Variants in MARK1 observed in about 807,000 individuals in gnomAD.
The protein encoded by MARK1 is microtubule affinity regulating kinase 1, also known as serine/threonine-protein kinase MARK1.
Under a neutral mutation model 96.3 loss-of-function variants are expected in MARK1, and 40 were observed. The observed-to-expected ratio is 0.42, with a 90% CI of 0.32 to 0.54. The LOEUF (loss-of-function observed/expected upper bound fraction) is 0.54. Among genes scored for constraint, MARK1 ranks in the 20% least tolerant of loss-of-function variants. The pLI is 0.16. For missense variants in MARK1, 719 were observed against 984.6 expected (o/e 0.73, Z 3.61); for synonymous variants, 317 against 341.2 (o/e 0.93, Z 0.78).
At chr1:220,582,212 T>G (rs771926876) in intron 3 of MARK1, among the ~76,000 whole-genome samples, 3 of 152,226 alleles carry the variant, frequency 2.0e-5, no homozygotes, top group Admixed American at 6.5e-5. Flanking sequence ...AGTATAACTT[T>G]TCATAACACT....
chr1:220,534,829 A>G (rs1473434817), intron 1 of MARK1, among the ~76,000 whole-genome samples: 2 of 152,152 alleles, frequency 1.3e-5, no homozygotes, highest in African/African-American at 2.4e-5. Context: ...CTTAAGGTTC[A>G]TCCATGTTAT....
At chr1:220,548,380 A>T (rs1661640874) in intron 1 of MARK1, among the ~76,000 whole-genome samples, 1 of 152,246 alleles carries the variant, frequency 6.6e-6, no homozygotes, top group East Asian at 1.9e-4. Flanking sequence ...ATATAACTGA[A>T]ATGAAGGTTG....
intron 1 of MARK1, among the ~76,000 whole-genome samples, chr1:220,569,121 TTTAA>T (rs1215510118): frequency 1.3e-5 from 2 of 152,198 alleles, no homozygotes; most frequent in African/African-American, 4.8e-5. Flanking sequence ...TTATTGTAGC[TTTAA>T]TTTATATTTC....
intron 1 of MARK1, among the ~76,000 whole-genome samples, chr1:220,546,159 A>T (rs1661476789): frequency 6.6e-6 from 1 of 152,186 alleles, no homozygotes; most frequent in Admixed American, 6.5e-5. Context: ...CCATCTTTGC[A>T]ATATTCAGAG....
At chr1:220,529,779 T>C (rs1195349173) in intron 1 of MARK1, among the ~76,000 whole-genome samples, 1 of 151,836 alleles carries the variant, frequency 6.6e-6, no homozygotes, top group Non-Finnish European at 1.5e-5. Flanking sequence ...AAAGTACAGT[T>C]GTGTGTGTGT....
In MARK1 at chr1:220,635,347, T is replaced by C. The variant is rs777112391; in HGVS notation, c.1123-29T>C. 6 of 1,533,244 alleles carry C rather than the reference T, an allele frequency of 3.9e-6. No individual in the cohort carries two copies. The Admixed American group carries it at 9.2e-5, about 23-fold the overall frequency. The allele number at this position is 1,533,244 out of a possible 1,614,324, so 95.0% of individuals were successfully genotyped here. A position where few individuals can be genotyped will look rare whatever the true frequency, so the allele number is the denominator to read the frequency against. On this transcript the variant is annotated intron_variant, in intron 11 of 17. Coordinates refer to ENST00000366917, the MANE Select transcript of MARK1 (RefSeq NM_018650.5). Reference sequence around the variant, plus strand: ...AACTTTTTTTTTTTTTTTTTTGCTTTAAAATCCCTGTGGTTTTTCTTCTTA... The same window carrying C: ...AACTTTTTTTTTTTTTTTTTTGCTTCAAAATCCCTGTGGTTTTTCTTCTTA...
intron 1 of MARK1, among the ~76,000 whole-genome samples, chr1:220,529,430 G>A (rs897283473): frequency 1.3e-5 from 2 of 152,196 alleles, no homozygotes; most frequent in African/African-American, 4.8e-5. Flanking sequence ...GCGTGTTTGT[G>A]TATGAGTTTA....
At chr1:220,624,598 CAA>C (rs36021632) in intron 9 of MARK1, among the ~76,000 whole-genome samples, 26 of 69,694 alleles carry the variant, frequency 3.7e-4, no homozygotes, top group Non-Finnish European at 3.7e-4. Context: ...AACTCCGTCT[CAA>C]AAAAAAAAAA....
At chr1:220,647,120 C>T (rs1362756655) in intron 13 of MARK1, among the ~76,000 whole-genome samples, 30 of 152,276 alleles carry the variant, frequency 2.0e-4, no homozygotes, top group Non-Finnish European at 4.4e-5. Flanking sequence ...AACAGACAGT[C>T]TACAGAATGG....
intron 13 of MARK1, 138 bp downstream of exon 13, chr1:220,636,164 C>A: frequency 1.7e-6 from 1 of 576,374 alleles, no homozygotes; most frequent in South Asian, 4.2e-5. Context: ...GCAAAAGGGA[C>A]CACACTTCTC....
chr1:220,650,924 T>C (rs1418325112), intron 14 of MARK1, among the ~76,000 whole-genome samples: 1 of 152,184 alleles, frequency 6.6e-6, no homozygotes, highest in Non-Finnish European at 1.5e-5. Flanking sequence ...AAGAAACAAA[T>C]CTCTTTACCT....
chr1:220,626,285 A>G (rs1376138181), intron 9 of MARK1: 2 of 536,472 alleles, frequency 3.7e-6, no homozygotes, highest in African/African-American at 3.8e-5. Context: ...GATGGGATGG[A>G]AGAGGCCTTC....
rs1669576961 is a variant in MARK1, at chr1:220,663,269, G to A, written c.*1103G>A. 6.6e-6 allele frequency: 1 copy of A among 152,502 alleles called. No individual in the cohort carries two copies. Among genetic ancestry groups the A allele is most frequent in the Non-Finnish European group, 1.5e-5 (1 of 68,014 alleles). The allele number at this position is 152,502 out of a possible 1,614,324, so 9.4% of individuals were successfully genotyped here. A position where few individuals can be genotyped will look rare whatever the true frequency, so the allele number is the denominator to read the frequency against. ...CAGTATATGATTGATTTATGCTTATGTGGTTGTTCAGTTTGTTCCCATGTA... is the reference window on the plus strand; with the variant it reads ...CAGTATATGATTGATTTATGCTTATATGGTTGTTCAGTTTGTTCCCATGTA... On this transcript the variant is annotated 3_prime_UTR_variant, in exon 18 of 18. Coordinates refer to ENST00000366917, the MANE Select transcript of MARK1 (RefSeq NM_018650.5).
At chr1:220,594,619 C>T (rs1026890073) in intron 3 of MARK1, among the ~76,000 whole-genome samples, 2 of 152,132 alleles carry the variant, frequency 1.3e-5, no homozygotes, top group African/African-American at 4.8e-5. Flanking sequence ...TTGGAAGCAA[C>T]CAAGACGTCC....
At chr1:220,536,916 A>T (rs1660733143) in intron 1 of MARK1, among the ~76,000 whole-genome samples, 2 of 151,578 alleles carry the variant, frequency 1.3e-5, no homozygotes, top group South Asian at 4.2e-4. Context: ...AGGTTTTTCC[A>T]TTTCTTTACT....
intron 1 of MARK1, among the ~76,000 whole-genome samples, chr1:220,540,215 G>C (rs1189463682): frequency 6.6e-6 from 1 of 152,178 alleles, no homozygotes; most frequent in Non-Finnish European, 1.5e-5. Flanking sequence ...AAGTGTCACA[G>C]TATTTCATCT....
chr1:220,536,561 CT>C (rs758585570), intron 1 of MARK1, among the ~76,000 whole-genome samples: 190 of 145,454 alleles, frequency 1.3e-3, no homozygotes, highest in Middle Eastern at 3.6e-3. Flanking sequence ...TCCTCTCTCT[CT>C]TTTTTTTTTT....
At chr1:220,566,864 A>G (rs1016648789) in intron 1 of MARK1, among the ~76,000 whole-genome samples, 1 of 152,140 alleles carries the variant, frequency 6.6e-6, no homozygotes, top group Non-Finnish European at 1.5e-5. Context: ...TTTAATCCTC[A>G]TTGTAAGCTT....
intron 1 of MARK1, among the ~76,000 whole-genome samples, chr1:220,577,495 C>T (rs970315592): frequency 2.6e-5 from 4 of 152,198 alleles, no homozygotes; most frequent in Non-Finnish European, 5.9e-5. Context: ...ATTTTCATTG[C>T]AGTTCTCAAA....
Sources: allele counts gnomAD v4.1 joint callset (sites outside exome capture counted in the v4.1 genomes callset), GRCh38; gene constraint gnomAD v4.1.1; transcripts MANE v1.5; gene names NCBI Gene and HGNC (gene_info 2026-07-23, HGNC 2026-07-21).